The following COL25A1 variants were observed in gnomAD, a reference collection of about 807,000 sequenced individuals.
COL25A1 encodes the protein collagen alpha-1(XXV) chain.
Under a neutral mutation model 128.4 loss-of-function variants are expected in COL25A1, and 103 were observed. That is an observed-to-expected ratio of 0.80 (90% CI 0.68 to 0.94). COL25A1 has a LOEUF of 0.94. COL25A1 is among the 40% of genes least tolerant of loss of function. The pLI is 0.00. For missense variants in COL25A1, 745 were observed against 840.0 expected, an observed-to-expected ratio of 0.89 and a Z score of 1.40; for synonymous variants, 279 against 277.2, an observed-to-expected ratio of 1.01 and a Z score of -0.06.
chr4:108,817,348 AAG>A, intron 37 of COL25A1, 47 bp downstream of exon 37: 1 of 1,571,646 alleles, frequency 6.4e-7, no homozygotes, highest in Non-Finnish European at 8.7e-7. Flanking sequence ...AGTCCAGGTT[AAG>A]AGAAAGGGAG....
chr4:109,248,625 G>A (rs1005127951), intron 3 of COL25A1, among the ~76,000 whole-genome samples: 1 of 152,156 alleles, frequency 6.6e-6, no homozygotes, highest in Non-Finnish European at 1.5e-5. Flanking sequence ...ATGCAGTAAA[G>A]CCAAGCCAAA....
intron 3 of COL25A1, among the ~76,000 whole-genome samples, chr4:109,175,018 C>G (rs181606760): frequency 3.9e-4 from 59 of 152,260 alleles, no homozygotes; most frequent in African/African-American, 1.1e-3. Flanking sequence ...TTATAAGAAC[C>G]TAACTAATGC....
At chr4:108,914,200 A>G (rs1744595603) in intron 13 of COL25A1, among the ~76,000 whole-genome samples, 1 of 152,204 alleles carries the variant, frequency 6.6e-6, no homozygotes, top group South Asian at 2.1e-4. Flanking sequence ...GGTTGCATGG[A>G]AACAAGACAT....
At chr4:109,197,180 G>C (rs1776110003) in intron 3 of COL25A1, among the ~76,000 whole-genome samples, 1 of 149,878 alleles carries the variant, frequency 6.7e-6, no homozygotes, top group African/African-American at 2.5e-5. Flanking sequence ...AAAAGAATTA[G>C]CCAGGTGTGG....
intron 6 of COL25A1, among the ~76,000 whole-genome samples, chr4:108,996,396 G>A (rs1398465541): frequency 2.6e-5 from 4 of 151,852 alleles, no homozygotes; most frequent in Non-Finnish European, 5.9e-5. Flanking sequence ...TAATGGTAAA[G>A]GGATTAATGC....
intron 3 of COL25A1, among the ~76,000 whole-genome samples, chr4:109,132,661 T>C (rs1162553909): frequency 6.6e-6 from 1 of 152,128 alleles, no homozygotes; most frequent in Non-Finnish European, 1.5e-5. Flanking sequence ...CTTTGACATA[T>C]TGGAATGTGT....
intron 8 of COL25A1, among the ~76,000 whole-genome samples, chr4:108,957,600 A>G (rs374086284): frequency 7.9e-5 from 12 of 152,352 alleles, no homozygotes; most frequent in African/African-American, 2.6e-4. Flanking sequence ...GAATGATTGA[A>G]TTATTTTGTA....
intron 6 of COL25A1, among the ~76,000 whole-genome samples, chr4:109,001,372 C>CAGGCATCTGAGATCCTGGCAGGT (rs1755351329): frequency 1.7e-4 from 4 of 24,146 alleles, no homozygotes; most frequent in East Asian, 1.6e-3. Context: ...TTAAAAGAAA[C>CAGGCATCTGAGATCCTGGCAGGT]AGGCATCTGA....
intron 3 of COL25A1, among the ~76,000 whole-genome samples, chr4:109,138,707 TTTG>T (rs1770067320): frequency 1.3e-5 from 2 of 152,130 alleles, no homozygotes; most frequent in East Asian, 1.9e-4. Context: ...TTTTTTGTTT[TTTG>T]TTTTTTGTTT....
Position 109,291,513 on chromosome 4 carries a change from G to A in COL25A1, c.367+9070C>T, listed in dbSNP as rs72672628. On this transcript the variant is annotated intron_variant, in intron 3 of 37. Coordinates refer to ENST00000399132, the MANE Select transcript of COL25A1 (RefSeq NM_198721.4). ...TAGAAGATCCTAGAAGTCTTATAACGTATATTTTCTATAAATAACATAATT... is the reference window on the plus strand; with the variant it reads ...TAGAAGATCCTAGAAGTCTTATAACATATATTTTCTATAAATAACATAATT... Among the ~76,000 whole-genome samples the A allele has an allele frequency of 2.1e-3, 313 of 151,982 alleles. 3 individuals are homozygous for A. Among genetic ancestry groups the A allele is most frequent in the Non-Finnish European group, 4.0e-3 (271 of 67,930 alleles).
chr4:109,243,967 A>G (rs749105102), intron 3 of COL25A1, among the ~76,000 whole-genome samples: 6 of 152,070 alleles, frequency 3.9e-5, no homozygotes, highest in Non-Finnish European at 7.4e-5. Context: ...GAAGTTAACC[A>G]TTAAAGATTA....
chr4:108,814,712 G>A (rs936763041), intron 37 of COL25A1, among the ~76,000 whole-genome samples: 1 of 152,180 alleles, frequency 6.6e-6, no homozygotes, highest in South Asian at 2.1e-4. Flanking sequence ...TTGACATTGG[G>A]TGTATCACCC....
At chr4:108,994,543 G>A (rs1754556934) in intron 6 of COL25A1, among the ~76,000 whole-genome samples, 1 of 152,222 alleles carries the variant, frequency 6.6e-6, no homozygotes, top group Non-Finnish European at 1.5e-5. Context: ...GGGCATAGGA[G>A]AACAAAAGGC....
chr4:108,990,023 C>G (rs10029195), intron 6 of COL25A1, among the ~76,000 whole-genome samples: 120,140 of 150,882 alleles, frequency 0.8, 48,959 homozygotes, highest in East Asian at 1. Context: ...GACCAGCCTG[C>G]ACAACATGGT....
intron 3 of COL25A1, among the ~76,000 whole-genome samples, chr4:109,299,793 A>G (rs118126694): frequency 0.017 from 2,524 of 152,258 alleles, 132 homozygotes; most frequent in Admixed American, 0.1. Flanking sequence ...GATGTTTCCA[A>G]TGGCCATATT....
At chr4:109,110,174 T>C (rs933817456) in intron 3 of COL25A1, among the ~76,000 whole-genome samples, 4 of 152,138 alleles carry the variant, frequency 2.6e-5, no homozygotes, top group Non-Finnish European at 5.9e-5. Context: ...TTTCTTCTTA[T>C]ATTAATACTC....
intron 3 of COL25A1, among the ~76,000 whole-genome samples, chr4:109,065,167 G>C (rs1269261382): frequency 2.6e-5 from 4 of 152,130 alleles, no homozygotes; most frequent in Non-Finnish European, 4.4e-5. Context: ...AAGTGCTCAG[G>C]GCATGATGCA....
chr4:109,257,439 C>T (rs948455984), intron 3 of COL25A1, among the ~76,000 whole-genome samples: 2 of 152,134 alleles, frequency 1.3e-5, no homozygotes, highest in Non-Finnish European at 2.9e-5. Context: ...AAAAGAAAAT[C>T]ATGACTACTT....
chr4:108,861,575 C>T (rs1374674592), intron 22 of COL25A1, among the ~76,000 whole-genome samples: 1 of 152,158 alleles, frequency 6.6e-6, no homozygotes, highest in Non-Finnish European at 1.5e-5. Context: ...AGGTCAGGGG[C>T]AGGGCAAACC....
Sources: gnomAD v4.1 joint callset for allele counts (sites outside exome capture counted in the v4.1 genomes callset) on GRCh38, gnomAD v4.1.1 for gene constraint, MANE v1.5 for transcripts, NCBI Gene and HGNC (gene_info 2026-07-23, HGNC 2026-07-21) for gene names.